Variants in BEND5 observed in about 807,000 individuals in gnomAD.
BEND5 encodes the protein BEN domain containing 5.
Under a neutral mutation model 43.9 loss-of-function variants are expected in BEND5, and 22 were observed. That is an observed-to-expected ratio of 0.50 (90% confidence interval 0.36 to 0.72). BEND5 has a LOEUF of 0.72. Among genes scored for constraint, BEND5 ranks in the 30% least tolerant of loss-of-function variants. BEND5 has a pLI of 0.00. For synonymous variants in BEND5, 228 were observed against 225.9 expected (o/e 1.01, Z -0.08); for missense variants, 428 against 550.6 (o/e 0.78, Z 2.23).
chr1:48,760,475 C>T (rs747255189), intron 2 of BEND5, among the ~76,000 whole-genome samples: 18 of 152,232 alleles, frequency 1.2e-4, no homozygotes, highest in Non-Finnish European at 1.3e-4. Context: ...GTTTTATCTG[C>T]TGAGATAAGG....
At chr1:48,747,082 T>G (rs1292344836) in intron 3 of BEND5, among the ~76,000 whole-genome samples, 1 of 152,204 alleles carries the variant, frequency 6.6e-6, no homozygotes, top group Non-Finnish European at 1.5e-5. Flanking sequence ...AGATTGCTGT[T>G]TTGCTTTTAA....
At chr1:48,769,984 C>T (rs961770351) in intron 1 of BEND5, among the ~76,000 whole-genome samples, 1 of 152,214 alleles carries the variant, frequency 6.6e-6, no homozygotes, top group South Asian at 2.1e-4. Flanking sequence ...ACCAAACTCT[C>T]CCATAGTGCA....
intron 5 of BEND5, among the ~76,000 whole-genome samples, chr1:48,735,549 G>A (rs888509721): frequency 6.6e-5 from 10 of 151,998 alleles, no homozygotes. Flanking sequence ...AAGGAAAAAG[G>A]AAAGGAGGGA....
intron 1 of BEND5, among the ~76,000 whole-genome samples, chr1:48,761,741 C>T (rs1194140032): frequency 6.6e-6 from 1 of 152,168 alleles, no homozygotes; most frequent in Non-Finnish European, 1.5e-5. Flanking sequence ...CTAAGTACAT[C>T]CTAAAGGGTG....
At chr1:48,760,135 G>A (rs950194772) in intron 2 of BEND5, among the ~76,000 whole-genome samples, 1 of 152,144 alleles carries the variant, frequency 6.6e-6, no homozygotes, top group African/African-American at 2.4e-5. Flanking sequence ...GCAAGACAGT[G>A]GATAGAGAGA....
At chr1:48,744,502 G>GA (rs1260357251) in intron 3 of BEND5, among the ~76,000 whole-genome samples, 2 of 152,000 alleles carry the variant, frequency 1.3e-5, no homozygotes, top group South Asian at 4.2e-4. Flanking sequence ...TCAGTCAACA[G>GA]AAAAAAAATA....
intron 5 of BEND5, among the ~76,000 whole-genome samples, chr1:48,734,434 C>G (rs768136850): frequency 6.6e-6 from 1 of 152,200 alleles, no homozygotes; most frequent in Non-Finnish European, 1.5e-5. Flanking sequence ...AGCACTGTAT[C>G]AGCTTTGTAA....
Position 48,759,170 on chromosome 1 carries a change from C to A in BEND5, c.475G>T (p.Val159Phe), listed in dbSNP as rs774501741. ...GTGCCTGGCGAGGCCTCCACGAAGA[C>A]CTCTTCCGGACACGTGCTATGGCCC... ...SLGHSTCPEE[V>F]FVEASPGTED... Residue 159 changes from valine to phenylalanine, a missense_variant, in exon 3 of 6, where the codon GTC becomes TTC. By Grantham distance (50) the Val-to-Phe change is conservative. This residue lies in a region of BEND5 where 243 missense variants were observed against 286.4 expected (regional missense o/e 0.85). Coordinates refer to ENST00000371833, the MANE Select transcript of BEND5 (RefSeq NM_024603.4). 1.9e-6 allele frequency: 3 copies of A among 1,614,164 alleles called. No individual in the cohort carries two copies. In the Admixed American group the frequency reaches 5.0e-5, roughly 27 times the overall value.
At chr1:48,744,342 T>C (rs1650397582) in intron 3 of BEND5, among the ~76,000 whole-genome samples, 1 of 152,260 alleles carries the variant, frequency 6.6e-6, no homozygotes, top group South Asian at 2.1e-4. Context: ...TTCTTCTCTC[T>C]GTGTGGGATC....
chr1:48,768,702 T>G (rs900644375), intron 1 of BEND5, among the ~76,000 whole-genome samples: 2 of 152,206 alleles, frequency 1.3e-5, no homozygotes, highest in African/African-American at 2.4e-5. Context: ...GAGCCTAATT[T>G]GGTATGAGTT....
chr1:48,765,782 A>T (rs971997639), intron 1 of BEND5, among the ~76,000 whole-genome samples: 3 of 152,230 alleles, frequency 2.0e-5, no homozygotes, highest in African/African-American at 7.2e-5. Context: ...GATGAATCTT[A>T]AAAATATTAT....
At chr1:48,759,394 G>C (rs1173980371) in intron 2 of BEND5, 110 bp from the exon 3 acceptor site, 2 of 1,447,446 alleles carry the variant, frequency 1.4e-6, no homozygotes, top group Non-Finnish European at 1.8e-6. Flanking sequence ...CAGAACATCA[G>C]TGCTTGGAGA....
rs142056027 is a variant in BEND5, at chr1:48,747,427, C to T, written c.746-4656G>A. On this transcript the variant is annotated intron_variant, in intron 3 of 5. Coordinates refer to ENST00000371833, the MANE Select transcript of BEND5 (RefSeq NM_024603.4). ...ATCATTCATGAACCCATTCATCACA[C>T]AACCCCTGACTGCATATCAAGATCT... Among the ~76,000 whole-genome samples, 932 of 152,304 alleles carry T rather than the reference C, an allele frequency of 6.1e-3. 14 individuals carry two copies. Among genetic ancestry groups the T allele is most frequent in the African/African-American group, 0.021 (882 of 41,566 alleles).
chr1:48,734,286 C>A (rs1156938031), intron 5 of BEND5, among the ~76,000 whole-genome samples: 2 of 152,200 alleles, frequency 1.3e-5, no homozygotes, highest in Non-Finnish European at 2.9e-5. Flanking sequence ...GCTCTGAAAC[C>A]TTATAGCTTT....
chr1:48,763,461 G>C (rs980871522), intron 1 of BEND5, among the ~76,000 whole-genome samples: 9 of 151,938 alleles, frequency 5.9e-5, no homozygotes, highest in African/African-American at 2.2e-4. Context: ...ATCTTGCAAT[G>C]GTGTTTTTTT....
At chr1:48,746,640 G>C (rs1650812088) in intron 3 of BEND5, among the ~76,000 whole-genome samples, 1 of 152,216 alleles carries the variant, frequency 6.6e-6, no homozygotes, top group South Asian at 2.1e-4. Context: ...GGCTTGAAAA[G>C]CCAACCAAAG....
chr1:48,744,779 GAAC>G (rs1272770802), intron 3 of BEND5, among the ~76,000 whole-genome samples: 2 of 152,134 alleles, frequency 1.3e-5, no homozygotes, highest in Non-Finnish European at 2.9e-5. Context: ...ATAAGGCCCA[GAAC>G]AACCAGCCTC....
intron 3 of BEND5, among the ~76,000 whole-genome samples, chr1:48,754,065 T>C (rs1652149377): frequency 6.6e-6 from 1 of 152,082 alleles, no homozygotes; most frequent in Non-Finnish European, 1.5e-5. Context: ...CCCTTGAGAG[T>C]CTTATTTGAA....
At chr1:48,746,795 C>T (rs987111504) in intron 3 of BEND5, among the ~76,000 whole-genome samples, 4 of 152,188 alleles carry the variant, frequency 2.6e-5, no homozygotes, top group Non-Finnish European at 5.9e-5. Context: ...AGGCTGCTGA[C>T]GTCTCTGGAA....
Sources: gnomAD v4.1 joint callset for allele counts (sites outside exome capture counted in the v4.1 genomes callset) on GRCh38, gnomAD v4.1.1 for gene constraint, gnomAD v4.1.1 regional missense constraint, MANE v1.5 for transcripts, NCBI Gene and HGNC (gene_info 2026-07-23, HGNC 2026-07-21) for gene names.